PGBD5: variants seen among roughly 807,000 people sequenced by gnomAD.
PGBD5 encodes piggyBac transposable element-derived protein 5.
A neutral mutation model predicts 47.9 loss-of-function variants in PGBD5; 14 were observed. The ratio of observed to expected loss-of-function variants is 0.29; its 90% CI spans 0.19 to 0.46. The LOEUF (loss-of-function observed/expected upper bound fraction) is 0.46, where lower values mean the gene tolerates loss of function less well. PGBD5 is among the 20% of genes least tolerant of loss of function. PGBD5 has a pLI of 1.00. For synonymous variants in PGBD5, 316 were observed against 306.3 expected, an observed-to-expected ratio of 1.03 and a Z score of -0.33; for missense variants, 635 against 716.0, an observed-to-expected ratio of 0.89 and a Z score of 1.29.
At chr1:230,383,609 G>A (rs891051589) in intron 1 of PGBD5, among the ~76,000 whole-genome samples, 1 of 152,024 alleles carries the variant, frequency 6.6e-6, no homozygotes, top group South Asian at 2.1e-4. Context: ...TGGCTCAAGC[G>A]ATCCTCCCAC....
chr1:230,415,932 TTCC>T (rs1027927982), intron 1 of PGBD5, among the ~76,000 whole-genome samples: 7 of 152,246 alleles, frequency 4.6e-5, no homozygotes, highest in Admixed American at 3.3e-4. Context: ...GTAGCTCCAC[TTCC>T]TCATTTTAAA....
chr1:230,393,163 G>T (rs1656831941), intron 1 of PGBD5, among the ~76,000 whole-genome samples: 3 of 141,086 alleles, frequency 2.1e-5, no homozygotes, highest in East Asian at 2.2e-4. Context: ...GAAGGAAAAA[G>T]GGAAGAGAAG....
At chr1:230,331,257 CA>C (rs543975859) in intron 5 of PGBD5, among the ~76,000 whole-genome samples, 77 of 151,790 alleles carry the variant, frequency 5.1e-4, no homozygotes, top group Non-Finnish European at 8.7e-4. Context: ...ACAAAAAATA[CA>C]AAAAAACATT....
chr1:230,366,140 G>C (rs957399032), intron 1 of PGBD5, among the ~76,000 whole-genome samples: 17 of 152,190 alleles, frequency 1.1e-4, no homozygotes, highest in Admixed American at 1.1e-3. Flanking sequence ...TGTGAGTCCT[G>C]CCATGCCTAT....
Position 230,335,148 on chromosome 1 carries a change from TACACATACAG to T in PGBD5, c.1075+1950_1075+1959del, listed in dbSNP as rs1197072555. Reference sequence around the variant, plus strand: ...AGACACATACACATACATACACAGGTACACATACAGACACACACAGACACACAGACACACA... The same window carrying T: ...AGACACATACACATACATACACAGGTACACACACAGACACACAGACACACA... On this transcript the variant is annotated intron_variant, in intron 4 of 6. Coordinates refer to ENST00000391860, the MANE Select transcript of PGBD5 (RefSeq NM_001258311.2). Among the ~76,000 whole-genome samples the T allele has an allele frequency of 3.0e-3, 243 of 81,676 alleles. 3 individuals are homozygous for T. Among genetic ancestry groups the T allele is most frequent in the African/African-American group, 0.012 (233 of 19,614 alleles). The allele number at this position is 81,676 out of a possible 152,430, so 53.6% of individuals were successfully genotyped here. A position where few individuals can be genotyped will look rare whatever the true frequency, so the allele number is the denominator to read the frequency against.
chr1:230,389,378 G>A (rs1162031601), intron 1 of PGBD5, among the ~76,000 whole-genome samples: 1 of 152,012 alleles, frequency 6.6e-6, no homozygotes, highest in Non-Finnish European at 1.5e-5. Context: ...TCACCATGTT[G>A]GCCAGTCTGG....
intron 1 of PGBD5, among the ~76,000 whole-genome samples, chr1:230,372,728 C>T (rs1350533402): frequency 2.0e-5 from 3 of 152,200 alleles, no homozygotes; most frequent in African/African-American, 4.8e-5. Context: ...ACTCTACTCA[C>T]CCTCGTCGCG....
chr1:230,387,211 T>C (rs1485932752), intron 1 of PGBD5, among the ~76,000 whole-genome samples: 3 of 152,148 alleles, frequency 2.0e-5, no homozygotes, highest in Non-Finnish European at 4.4e-5. Context: ...GGCAGAGACA[T>C]AACAAGAGAT....
chr1:230,355,079 G>C (rs185188454), intron 2 of PGBD5, among the ~76,000 whole-genome samples: 1 of 152,156 alleles, frequency 6.6e-6, no homozygotes, highest in African/African-American at 2.4e-5. Flanking sequence ...CAAGTGAGCC[G>C]CAGAATAACA....
intron 1 of PGBD5, among the ~76,000 whole-genome samples, chr1:230,370,783 A>G (rs2795052): frequency 0.72 from 108,806 of 151,598 alleles, 39,461 homozygotes; most frequent in African/African-American, 0.74. Flanking sequence ...CTCAACGCAC[A>G]TGGCTAAGAG....
At chr1:230,383,010 G>A (rs566695893) in intron 1 of PGBD5, among the ~76,000 whole-genome samples, 4 of 152,210 alleles carry the variant, frequency 2.6e-5, no homozygotes, top group East Asian at 3.9e-4. Flanking sequence ...CTGCCATCTC[G>A]CTATTTATTT....
At chr1:230,362,348 A>C (rs74143198) in intron 1 of PGBD5, 97,286 of 1,364,740 alleles carry the variant, frequency 0.071, 6,246 homozygotes, top group African/African-American at 0.34. Flanking sequence ...CGAGGCGTCG[A>C]CTCCATCCAC....
In PGBD5 at chr1:230,315,892, T is replaced by TTATGTGTACACATATATGTATATGTGTA. The variant is rs139055052; in HGVS notation, c.*7505_*7532dup. 8.2e-4 allele frequency: 121 copies of TTATGTGTACACATATATGTATATGTGTA among 147,918 alleles called. 12 individuals are homozygous for TTATGTGTACACATATATGTATATGTGTA. The highest frequency in any genetic ancestry group is 2.8e-3 in the African/African-American group (111 of 40,302). The allele number at this position is 147,918 out of a possible 1,614,324, so 9.2% of individuals were successfully genotyped here. A position where few individuals can be genotyped will look rare whatever the true frequency, so the allele number is the denominator to read the frequency against. On this transcript the variant is annotated 3_prime_UTR_variant, in exon 7 of 7. Coordinates refer to ENST00000391860, the MANE Select transcript of PGBD5 (RefSeq NM_001258311.2). Reference sequence around the variant, plus strand: ...TATACATATATGGATACATACATATTTATGTGTACACATATATGTATATGT... The same window carrying TTATGTGTACACATATATGTATATGTGTA: ...TATACATATATGGATACATACATATTTATGTGTACACATATATGTATATGTGTATATGTGTACACATATATGTATATGT...
intron 1 of PGBD5, among the ~76,000 whole-genome samples, chr1:230,372,390 A>C (rs1021668933): frequency 2.6e-5 from 4 of 152,162 alleles, no homozygotes; most frequent in Non-Finnish European, 5.9e-5. Context: ...AAAAAGACAA[A>C]CAATCTAGAG....
intron 1 of PGBD5, among the ~76,000 whole-genome samples, chr1:230,412,422 T>G (rs1302175571): frequency 6.9e-6 from 1 of 145,088 alleles, no homozygotes; most frequent in African/African-American, 2.6e-5. Flanking sequence ...AGAGTCTCGC[T>G]CTGTTGCCCA....
chr1:230,419,853 T>C (rs1657610227), intron 1 of PGBD5, among the ~76,000 whole-genome samples: 1 of 152,210 alleles, frequency 6.6e-6, no homozygotes, highest in Non-Finnish European at 1.5e-5. Context: ...AGGCCAGGCG[T>C]GGTTGCTCAC....
rs1260500822 is a variant in PGBD5 at position 230,323,590 on chromosome 1, G to A, written c.1410C>T (p.Thr470=). The change falls in exon 7 of 7, where the codon ACC becomes ACT. Residue 470 remains threonine (T), a synonymous_variant. Transcript: ENST00000391860. This position sits in a 1 kb window ranked among gnomAD's most constrained non-coding sequence, Gnocchi z 4.1. ...KYFISHKPNK[T]WQQVFWFAIS... The stretch of plus-strand genomic sequence containing the variant: ...TGGCGAACCAGAACACCTGCTGCCA[G>A]GTCTTGTTTGGTTTATGAGAAATGA... 6.2e-7 allele frequency: 1 copy of A among 1,614,096 alleles called. No homozygotes were observed. The highest frequency in any genetic ancestry group is 2.2e-5 in the East Asian group (1 of 44,876).
At chr1:230,390,990 T>C (rs1000144513) in intron 1 of PGBD5, among the ~76,000 whole-genome samples, 1 of 152,144 alleles carries the variant, frequency 6.6e-6, no homozygotes, top group Non-Finnish European at 1.5e-5. Context: ...TCTGCCTGCC[T>C]TGGCCTCCCA....
chr1:230,348,828 T>C (rs777811135), intron 3 of PGBD5, among the ~76,000 whole-genome samples: 1 of 152,204 alleles, frequency 6.6e-6, no homozygotes, highest in African/African-American at 2.4e-5. Flanking sequence ...GCCAGTCCTG[T>C]CACGGCACAG....
Sources: gnomAD v4.1 joint callset for allele counts (sites outside exome capture counted in the v4.1 genomes callset) on GRCh38, gnomAD v4.1.1 for gene constraint, Gnocchi (gnomAD v3.1) non-coding constraint, MANE v1.5 for transcripts, NCBI Gene and HGNC (gene_info 2026-07-23, HGNC 2026-07-21) for gene names.